NRXN3: variants seen among roughly 807,000 people sequenced by gnomAD.
NRXN3 encodes the protein neurexin III.
Under a neutral mutation model 137.6 loss-of-function variants are expected in NRXN3, and 32 were observed. The observed-to-expected ratio is 0.23, with a 90% CI of 0.18 to 0.31. The LOEUF (loss-of-function observed/expected upper bound fraction) is 0.31. NRXN3 is among the 10% of genes least tolerant of loss of function. The pLI, the probability that NRXN3 is intolerant of heterozygous loss-of-function variation, is 1.00. For synonymous variants in NRXN3, 798 were observed against 784.5 expected (o/e 1.02, Z -0.29); for missense variants, 1,574 against 2,062.5 (o/e 0.76, Z 4.59).
In NRXN3 at chr14:78,618,617, A is replaced by G. The variant is rs796998647; in HGVS notation, c.758-26503A>G. ...ATCAGGGCTGGAAAACAGCTGAGAG[A>G]GAATGTTCTCCCAGGAGAACAAACC... On this transcript the variant is annotated intron_variant, in intron 4 of 20. Coordinates refer to ENST00000335750, the MANE Select transcript of NRXN3 (RefSeq NM_001330195.2). Among the ~76,000 whole-genome samples, 15 of 152,340 alleles carry G rather than the reference A, an allele frequency of 9.8e-5. No homozygotes were observed. In the East Asian group the frequency reaches 2.9e-3, roughly 29 times the overall value.
At chr14:78,831,445 G>T (rs192983200) in intron 10 of NRXN3, among the ~76,000 whole-genome samples, 1 of 139,972 alleles carries the variant, frequency 7.1e-6, no homozygotes, top group Admixed American at 7.6e-5. Context: ...CTGAGGCAGA[G>T]AATTGCTTGA....
chr14:79,169,735 AT>A (rs1021841918), intron 15 of NRXN3, among the ~76,000 whole-genome samples: 7 of 152,144 alleles, frequency 4.6e-5, no homozygotes, highest in African/African-American at 1.7e-4. Flanking sequence ...TAGAAAATGT[AT>A]TTTTTAGGGC....
intron 1 of NRXN3, among the ~76,000 whole-genome samples, chr14:78,215,427 G>C (rs141620680): frequency 5.9e-5 from 9 of 152,114 alleles, no homozygotes; most frequent in Middle Eastern, 3.4e-3. Context: ...TGAACAGGAC[G>C]AGCTCAAATC....
chr14:78,784,001 A>G (rs146126537), intron 8 of NRXN3, among the ~76,000 whole-genome samples: 1,655 of 152,078 alleles, frequency 0.011, 10 homozygotes, highest in Non-Finnish European at 0.017. Context: ...CATGGTAAAC[A>G]AAAAAGAAAA....
chr14:78,297,701 G>T, intron 3 of NRXN3, 130 bp from the exon 4 acceptor site: 1 of 718,442 alleles, frequency 1.4e-6, no homozygotes, highest in Non-Finnish European at 2.4e-6. Context: ...CAAGCGTGCG[G>T]CCCCTGTCAC....
chr14:79,649,281 T>C (rs2098464789), intron 16 of NRXN3, among the ~76,000 whole-genome samples: 1 of 152,130 alleles, frequency 6.6e-6, no homozygotes, highest in South Asian at 2.1e-4. Context: ...TGTGAGCCTC[T>C]GGCCAGGATC....
intron 15 of NRXN3, among the ~76,000 whole-genome samples, chr14:79,424,335 G>T (rs558275928): frequency 1.8e-4 from 27 of 152,038 alleles, no homozygotes; most frequent in African/African-American, 6.3e-4. Flanking sequence ...GGTAGATAAC[G>T]GCATTCAGAT....
chr14:79,042,045 G>C (rs182453750), intron 15 of NRXN3, among the ~76,000 whole-genome samples: 6 of 152,338 alleles, frequency 3.9e-5, no homozygotes, highest in Non-Finnish European at 5.9e-5. Context: ...TGCCTAGCAA[G>C]AGGAAACCAA....
intron 4 of NRXN3, among the ~76,000 whole-genome samples, chr14:78,460,452 C>T (rs2094890888): frequency 6.6e-6 from 1 of 152,162 alleles, no homozygotes; most frequent in South Asian, 2.1e-4. Flanking sequence ...AGCCACTAGT[C>T]ATTTCATTGG....
intron 4 of NRXN3, among the ~76,000 whole-genome samples, chr14:78,534,030 G>T (rs1200964714): frequency 6.6e-6 from 1 of 152,106 alleles, no homozygotes. Flanking sequence ...ATTAAGTAAT[G>T]GTGCACCCCA....
At chr14:78,367,996 A>G (rs1172418916) in intron 4 of NRXN3, among the ~76,000 whole-genome samples, 1 of 152,260 alleles carries the variant, frequency 6.6e-6, no homozygotes, top group Non-Finnish European at 1.5e-5. Flanking sequence ...ATTGCTTACA[A>G]ACAATTCATA....
At chr14:79,355,249 G>GCCCCC (rs1555395408) in intron 15 of NRXN3, among the ~76,000 whole-genome samples, 1 of 147,742 alleles carries the variant, frequency 6.8e-6, no homozygotes, top group African/African-American at 2.6e-5. Context: ...GGGCTTTTCT[G>GCCCCC]TCCCCCACCC....
chr14:79,043,786 C>A (rs1481154783), intron 15 of NRXN3, among the ~76,000 whole-genome samples: 1 of 152,122 alleles, frequency 6.6e-6, no homozygotes, highest in Non-Finnish European at 1.5e-5. Flanking sequence ...TCTCTGATTG[C>A]ATAACAGGGT....
intron 8 of NRXN3, among the ~76,000 whole-genome samples, chr14:78,778,674 T>C (rs942436364): frequency 7.3e-6 from 1 of 136,876 alleles, no homozygotes; most frequent in African/African-American, 2.6e-5. Context: ...TCTTTTCTCT[T>C]TTCTTTTCTT....
At chr14:78,593,664 T>C (rs988216281) in intron 4 of NRXN3, among the ~76,000 whole-genome samples, 4 of 152,120 alleles carry the variant, frequency 2.6e-5, no homozygotes, top group African/African-American at 9.7e-5. Flanking sequence ...GTAGCTGTAA[T>C]TTAGTCTTGG....
chr14:79,054,558 T>A (rs539158603), intron 15 of NRXN3, among the ~76,000 whole-genome samples: 1 of 152,288 alleles, frequency 6.6e-6, no homozygotes, highest in South Asian at 2.1e-4. Context: ...GGAGTCCTAC[T>A]CCAGCAGGTT....
At chr14:79,628,405 T>C (rs928034224) in intron 16 of NRXN3, among the ~76,000 whole-genome samples, 9 of 152,220 alleles carry the variant, frequency 5.9e-5, no homozygotes, top group Admixed American at 1.3e-4. Context: ...TCCATTCTGT[T>C]GATCTTCGAA....
At chr14:78,493,088 A>T (rs1383882306) in intron 4 of NRXN3, among the ~76,000 whole-genome samples, 1 of 152,160 alleles carries the variant, frequency 6.6e-6, no homozygotes, top group Non-Finnish European at 1.5e-5. Flanking sequence ...CTCGAAAGTG[A>T]CCAGGAATTG....
chr14:79,036,953 A>C (rs961576741), intron 15 of NRXN3, among the ~76,000 whole-genome samples: 1 of 152,076 alleles, frequency 6.6e-6, no homozygotes, highest in Non-Finnish European at 1.5e-5. Flanking sequence ...AAGTGTCTGA[A>C]ACAATTGCCG....
Sources: allele counts gnomAD v4.1 joint callset (sites outside exome capture counted in the v4.1 genomes callset), GRCh38; gene constraint gnomAD v4.1.1; transcripts MANE v1.5; gene names NCBI Gene and HGNC (gene_info 2026-07-23, HGNC 2026-07-21).